The following NCOA3 variants were observed in gnomAD, a reference collection of about 807,000 sequenced individuals.
NCOA3 encodes nuclear receptor coactivator 3.
In NCOA3, 51 loss-of-function variants were observed where a neutral mutation model predicts 158.8. The ratio of observed to expected loss-of-function variants is 0.32; its 90% CI spans 0.26 to 0.41. NCOA3 has a LOEUF of 0.41. Among genes scored for constraint, NCOA3 ranks in the 10% least tolerant of loss-of-function variants. NCOA3 has a pLI of 1.00. For synonymous variants in NCOA3, 537 were observed against 592.4 expected (o/e 0.91, Z 1.36); for missense variants, 1,510 against 1,746.6 (o/e 0.86, Z 2.41).
Position 47,625,489 on chromosome 20 carries a change from T to C in NCOA3, c.357+8T>C, listed in dbSNP as rs1485735863. ...GGACCGCTTTTACTTCAGGCAAGTATAAAGATTTTAACTGTCCAGTAGGCT... is the reference window on the plus strand; with the variant it reads ...GGACCGCTTTTACTTCAGGCAAGTACAAAGATTTTAACTGTCCAGTAGGCT... On this transcript the variant is annotated splice_region_variant and intron_variant, in intron 5 of 22. Transcript: ENST00000371998. 1.3e-6 allele frequency: 2 copies of C among 1,568,078 alleles called. No individual in the cohort carries two copies. The highest frequency in any genetic ancestry group is 1.7e-5 in the Admixed American group (1 of 59,932).
At chr20:47,578,949 T>C (rs1449069751) in intron 1 of NCOA3, among the ~76,000 whole-genome samples, 2 of 152,210 alleles carry the variant, frequency 1.3e-5, no homozygotes, top group Non-Finnish European at 1.5e-5. Context: ...CAGTGGCTGC[T>C]TTTTGCCCTG....
rs191676898 is a variant in NCOA3, at chr20:47,650,113, C to G, written c.3652-869C>G. ...TTCCTGAAAAATTTGTCCTCAGATT[C>G]CACCCCTAAATGTTTTCTTACTTTG... On this transcript the variant is annotated intron_variant, in intron 19 of 22. Coordinates refer to ENST00000371998, the MANE Select transcript of NCOA3 (RefSeq NM_181659.3). Among the ~76,000 whole-genome samples the G allele has an allele frequency of 1.9e-4, 29 of 151,942 alleles. No individual in the cohort carries two copies. In the East Asian group the frequency reaches 5.4e-3, roughly 29 times the overall value.
chr20:47,604,289 G>A (rs1050993352), intron 2 of NCOA3, among the ~76,000 whole-genome samples: 1 of 152,204 alleles, frequency 6.6e-6, no homozygotes, highest in Non-Finnish European at 1.5e-5. Context: ...CTTCAGAGAT[G>A]TAAATTTGGT....
intron 1 of NCOA3, among the ~76,000 whole-genome samples, chr20:47,548,252 T>A (rs940712736): frequency 2.6e-5 from 4 of 151,294 alleles, no homozygotes; most frequent in Non-Finnish European, 5.9e-5. Flanking sequence ...AAAAAAAAAA[T>A]TCATTCTAGG....
Position 47,637,741 on chromosome 20 carries a change from C to A in NCOA3, c.2470C>A (p.Leu824Met), listed in dbSNP as rs1270167437. 5 of 1,610,676 alleles carry A rather than the reference C, an allele frequency of 3.1e-6. No individual in the cohort carries two copies. Among genetic ancestry groups the A allele is most frequent in the Non-Finnish European group, 3.4e-6 (4 of 1,178,864 alleles). Residue 824 changes from leucine to methionine, a missense_variant, in exon 13 of 23, where the codon CTG becomes ATG. Coordinates refer to ENST00000371998, the MANE Select transcript of NCOA3 (RefSeq NM_181659.3). ...TTCCATATCCTCAAATGGTAGTCATCTGGGGACTAAGCAACAGGTGTTTCA... is the reference window on the plus strand; with the variant it reads ...TTCCATATCCTCAAATGGTAGTCATATGGGGACTAAGCAACAGGTGTTTCA... The part of the protein sequence containing the change: ...NNSISSNGSH[L>M]GTKQQVFQGT...
intron 2 of NCOA3, among the ~76,000 whole-genome samples, chr20:47,615,349 C>A (rs2086114852): frequency 6.6e-6 from 1 of 152,000 alleles, no homozygotes; most frequent in Non-Finnish European, 1.5e-5. Flanking sequence ...TTTTTTAGGT[C>A]CCTCAAAATA....
In NCOA3 at chr20:47,654,301, T is replaced by TA. The variant is rs1365164547; in HGVS notation, c.*889dup. On this transcript the variant is annotated 3_prime_UTR_variant, in exon 23 of 23. Coordinates refer to ENST00000371998, the MANE Select transcript of NCOA3 (RefSeq NM_181659.3). ...TATATGGTAGAGCAATAATGCTTTT[T>TA]AAAAATAAACTTCTGAAAACCCAAG... The TA allele has an allele frequency of 2.0e-5, 3 of 152,680 alleles. No homozygotes were observed. The highest frequency in any genetic ancestry group is 7.2e-5 in the African/African-American group (3 of 41,464). 9.5% of individuals were successfully genotyped at this position (152,680 alleles called of 1,614,324 possible).
intron 2 of NCOA3, among the ~76,000 whole-genome samples, chr20:47,591,121 C>G (rs2085628892): frequency 6.6e-6 from 1 of 151,896 alleles, no homozygotes; most frequent in South Asian, 2.1e-4. Flanking sequence ...AGACAAAAAA[C>G]AAAAGACAAA....
chr20:47,517,326 A>G (rs1407419440), intron 1 of NCOA3, among the ~76,000 whole-genome samples: 1 of 152,232 alleles, frequency 6.6e-6, no homozygotes, highest in African/African-American at 2.4e-5. Flanking sequence ...CTTTAGATCT[A>G]TTCCATCTTC....
intron 19 of NCOA3, 126 bp downstream of exon 19, chr20:47,649,235 C>T (rs139954714): frequency 3.6e-6 from 2 of 561,112 alleles, no homozygotes; most frequent in Admixed American, 7.3e-5. Flanking sequence ...TGTAAGAAAG[C>T]AGTCGCATTA....
intron 1 of NCOA3, among the ~76,000 whole-genome samples, chr20:47,502,282 C>A (rs1319525739): frequency 2.6e-5 from 4 of 152,168 alleles, no homozygotes; most frequent in Non-Finnish European, 4.4e-5. Flanking sequence ...CGAGGGGGTC[C>A]CCGCGCGGAG....
intron 1 of NCOA3, among the ~76,000 whole-genome samples, chr20:47,535,385 C>T (rs1185437263): frequency 6.6e-6 from 1 of 152,178 alleles, no homozygotes; most frequent in Non-Finnish European, 1.5e-5. Context: ...TGGCTTGTGC[C>T]AATCAGCTGA....
intron 1 of NCOA3, among the ~76,000 whole-genome samples, chr20:47,529,137 C>CTT (rs962146166): frequency 7.1e-6 from 1 of 141,378 alleles, no homozygotes; most frequent in African/African-American, 2.6e-5. Flanking sequence ...AATTTTTTTT[C>CTT]TTTTTTTTTT....
At chr20:47,610,791 T>C (rs1291661641) in intron 2 of NCOA3, among the ~76,000 whole-genome samples, 1 of 152,238 alleles carries the variant, frequency 6.6e-6, no homozygotes, top group Admixed American at 6.5e-5. Context: ...CAAAAGTCTT[T>C]TATTAGCTTT....
chr20:47,528,431 T>A (rs2084492128), intron 1 of NCOA3, among the ~76,000 whole-genome samples: 1 of 152,200 alleles, frequency 6.6e-6, no homozygotes, highest in Non-Finnish European at 1.5e-5. Context: ...ATTGGTCTGG[T>A]ATAAACCTAA....
At chr20:47,505,003 G>GTTTTTTTTTTTTTT (rs1166777115) in intron 1 of NCOA3, among the ~76,000 whole-genome samples, 309 of 28,528 alleles carry the variant, frequency 0.011, 91 homozygotes, top group East Asian at 0.034. Context: ...TGGGTTTTTG[G>GTTTTTTTTTTTTTT]TTTTTTTTTT....
chr20:47,628,160 A>T (rs2086353546), intron 8 of NCOA3, 137 bp downstream of exon 8: 1 of 504,970 alleles, frequency 2.0e-6, no homozygotes, highest in Admixed American at 3.5e-5. Context: ...CTTTATGTGT[A>T]TCTTTTTTCA....
intron 16 of NCOA3, among the ~76,000 whole-genome samples, chr20:47,641,710 T>G (rs1260390916): frequency 6.6e-6 from 1 of 151,460 alleles, no homozygotes; most frequent in African/African-American, 2.4e-5. Context: ...ATTCACAGGA[T>G]GGTCTCGATC....
chr20:47,565,669 T>C (rs984984238), intron 1 of NCOA3, among the ~76,000 whole-genome samples: 1 of 152,064 alleles, frequency 6.6e-6, no homozygotes, highest in African/African-American at 2.4e-5. Context: ...TGAGCTCTGG[T>C]CATGCCACTG....
Sources: gnomAD v4.1 joint callset for allele counts (sites outside exome capture counted in the v4.1 genomes callset) on GRCh38, gnomAD v4.1.1 for gene constraint, MANE v1.5 for transcripts, NCBI Gene and HGNC (gene_info 2026-07-23, HGNC 2026-07-21) for gene names.